The following KIF1A variants were observed in gnomAD, a reference collection of about 807,000 sequenced individuals.
KIF1A encodes kinesin-like protein KIF1A.
In KIF1A, 46 loss-of-function variants were observed where a neutral mutation model predicts 227.3. The ratio of observed to expected loss-of-function variants is 0.20; its 90% CI spans 0.16 to 0.26. The LOEUF is 0.26. Among genes scored for constraint, KIF1A ranks in the 10% least tolerant of loss-of-function variants. The pLI is 1.00. For missense variants in KIF1A, 1,683 were observed against 2,485.9 expected (o/e 0.68, Z 6.87); for synonymous variants, 1,022 against 1,012.8 (o/e 1.01, Z -0.17).
At chr2:240,750,033 G>A (rs988841272) in intron 28 of KIF1A, among the ~76,000 whole-genome samples, 4 of 152,266 alleles carry the variant, frequency 2.6e-5, no homozygotes, top group Admixed American at 6.5e-5. Context: ...AGCAGGCTGG[G>A]GGAGGGATCC....
chr2:240,795,718 G>A (rs1356927749), intron 2 of KIF1A, among the ~76,000 whole-genome samples: 1 of 152,232 alleles, frequency 6.6e-6, no homozygotes, highest in Non-Finnish European at 1.5e-5. Flanking sequence ...CAGGGGGCAG[G>A]TCGGAGGCTG....
intron 17 of KIF1A, 134 bp downstream of exon 17, chr2:240,768,999 C>A: frequency 1.3e-6 from 1 of 749,720 alleles, no homozygotes. Context: ...GTGAGCTTCA[C>A]AGCCCCAGTG....
intron 5 of KIF1A, among the ~76,000 whole-genome samples, chr2:240,786,740 C>A (rs1157133115): frequency 1.5e-5 from 2 of 136,674 alleles, no homozygotes; most frequent in African/African-American, 6.2e-5. Context: ...GGGCTGCCTG[C>A]TGGGCCCCTG....
intron 10 of KIF1A, chr2:240,782,011 C>T (rs1423325157): frequency 1.0e-6 from 1 of 985,280 alleles, no homozygotes; most frequent in Non-Finnish European, 1.2e-6. Flanking sequence ...CGTGGTGGCG[C>T]CCGCCCTGTC....
Position 240,715,808 on chromosome 2 carries a change from A to G in KIF1A, c.*1556T>C. 1 of 152,412 alleles carries G rather than the reference A, an allele frequency of 6.6e-6. No homozygotes were observed. The allele number at this position is 152,412 out of a possible 1,614,324, so 9.4% of individuals were successfully genotyped here. Reference sequence around the variant, plus strand: ...TGGGGTGCTGCGTTTCCCCCACTCCAGGAGGCAGGATCTGATGAAAGTGCT... The same window carrying G: ...TGGGGTGCTGCGTTTCCCCCACTCCGGGAGGCAGGATCTGATGAAAGTGCT... On this transcript the variant is annotated 3_prime_UTR_variant, in exon 49 of 49. Transcript: ENST00000498729.
At chr2:240,819,314 G>GC (rs988846953) in intron 1 of KIF1A, among the ~76,000 whole-genome samples, 2 of 152,192 alleles carry the variant, frequency 1.3e-5, no homozygotes, top group African/African-American at 2.4e-5. Flanking sequence ...AGACCCTGCG[G>GC]CCCCGCAGCC....
chr2:240,724,842 G>A (rs532541638), intron 40 of KIF1A: 13 of 162,600 alleles, frequency 8.0e-5, no homozygotes, highest in Admixed American at 3.0e-4. Flanking sequence ...TCCAGCCACC[G>A]CCCACTTATC....
intron 38 of KIF1A, among the ~76,000 whole-genome samples, chr2:240,729,545 A>G (rs1254992078): frequency 2.0e-5 from 3 of 152,224 alleles, no homozygotes; most frequent in Non-Finnish European, 4.4e-5. Context: ...TGAGGCAGGC[A>G]GGACTCCAAG....
chr2:240,817,584 A>T (rs2058421088), intron 1 of KIF1A, among the ~76,000 whole-genome samples: 1 of 152,190 alleles, frequency 6.6e-6, no homozygotes, highest in Non-Finnish European at 1.5e-5. Context: ...CCAGCTAGGC[A>T]TGTGCAGGGC....
intron 4 of KIF1A, 34 bp from the exon 5 acceptor site, chr2:240,787,350 G>T (rs1457318734): frequency 1.9e-6 from 3 of 1,579,930 alleles, no homozygotes; most frequent in East Asian, 2.2e-5. Context: ...GCCAGGGAGG[G>T]CTGGGGCTGC....
rs768899178 is a variant in KIF1A at position 240,758,462 on chromosome 2, C to T, written c.2480G>A (p.Arg827His). The T allele has an allele frequency of 7.5e-6, 12 of 1,607,666 alleles. No homozygotes were observed. Among genetic ancestry groups the T allele is most frequent in the South Asian group, 2.2e-5 (2 of 89,910 alleles). Reference sequence around the variant, plus strand: ...GACACTGGAGGGCACCTCTGCAGCGCGGTCGTACATCTCCCGCATCAGGTC... The same window carrying T: ...GACACTGGAGGGCACCTCTGCAGCGTGGTCGTACATCTCCCGCATCAGGTC... ...RLDLMREMYDRAAEVPSSVIE... is the reference protein window; with the variant it reads ...RLDLMREMYDHAAEVPSSVIE... The change falls in exon 26 of 49, where the codon CGC becomes CAC. Residue 827 changes from arginine (R) to histidine (H), a missense_variant. Arg to His is a conservative substitution (Grantham distance 29). Around this residue, in one of 12 missense-constraint regions of KIF1A, gnomAD observed 759 missense variants for 1,020.2 expected, o/e 0.74. Transcript: ENST00000498729. The surrounding 1 kb of genome is among the most constrained non-coding windows in gnomAD (Gnocchi z 5.2).
At chr2:240,734,817 A>T in intron 38 of KIF1A, 2 of 1,118,922 alleles carry the variant, frequency 1.8e-6, no homozygotes, top group Non-Finnish European at 2.4e-6. Context: ...GGGGACAGGC[A>T]GAGGGAAGCG....
chr2:240,816,781 G>A (rs1241470566), intron 1 of KIF1A, among the ~76,000 whole-genome samples: 5 of 152,240 alleles, frequency 3.3e-5, no homozygotes, highest in Non-Finnish European at 5.9e-5. Context: ...CAATGCACTA[G>A]GCCTGCAGGA....
At position 240,788,051 on chromosome 2, in the gene KIF1A, C is replaced by CCT; in HGVS notation, c.362_363insAG (p.Leu122GlyfsTer38). The CCT allele has an allele frequency of 6.4e-7, 1 of 1,562,582 alleles. No homozygotes were observed. The highest frequency in any genetic ancestry group is 8.7e-7 in the Non-Finnish European group (1 of 1,152,156). ...CCCCCGCCCGCCCCCCGCTTCGTGC[C>CCT]TGTGGGATGATGCCCTGCTGGTCCT... On this transcript the variant is annotated frameshift_variant and splice_region_variant, in exon 4 of 49. Coordinates refer to ENST00000498729, the MANE Select transcript of KIF1A (RefSeq NM_001244008.2). LOFTEE classifies it high-confidence loss of function. The surrounding 1 kb of genome is among the most constrained non-coding windows in gnomAD (Gnocchi z 6.6).
rs765708561 is a variant in KIF1A, at chr2:240,771,002, G to C, written c.1310C>G (p.Pro437Arg). 3 of 1,612,510 alleles carry C rather than the reference G, an allele frequency of 1.9e-6. No individual in the cohort carries two copies. Among genetic ancestry groups the C allele is most frequent in the Non-Finnish European group, 2.5e-6 (3 of 1,179,820 alleles). The change falls in exon 15 of 49, where the codon CCG becomes CGG. Residue 437 changes from proline (P) to arginine (R), a missense_variant. By Grantham distance (103) the Pro-to-Arg change is moderately radical. Coordinates refer to ENST00000498729, the MANE Select transcript of KIF1A (RefSeq NM_001244008.2). ...SSLHERILFAPGSEEAIERLK... is the reference protein window; with the variant it reads ...SSLHERILFARGSEEAIERLK... ...TCTTTCAATGGCCTCCTCGCTGCCC[G>C]GGGCAAACAAGATGCGCTCGTGGAG...
At chr2:240,801,601 C>T (rs1287830517) in intron 1 of KIF1A, among the ~76,000 whole-genome samples, 1 of 152,126 alleles carries the variant, frequency 6.6e-6, no homozygotes, top group Non-Finnish European at 1.5e-5. Flanking sequence ...CATCCAAATT[C>T]TTATGTTGAA....
chr2:240,818,507 C>T (rs570400870), intron 1 of KIF1A, among the ~76,000 whole-genome samples: 90 of 152,352 alleles, frequency 5.9e-4, no homozygotes, highest in African/African-American at 2.1e-3. Context: ...CCATCCCACA[C>T]CCTGCACCGC....
chr2:240,727,912 C>T (rs1350044926), intron 38 of KIF1A, among the ~76,000 whole-genome samples: 4 of 152,174 alleles, frequency 2.6e-5, no homozygotes, highest in Admixed American at 1.3e-4. Flanking sequence ...TGGTCATACC[C>T]GAGGTGGACA....
intron 24 of KIF1A, 85 bp downstream of exon 24, chr2:240,761,144 G>T (rs1461135852): frequency 1.4e-6 from 2 of 1,461,348 alleles, no homozygotes; most frequent in Non-Finnish European, 1.9e-6. Context: ...AGAGCCAAGT[G>T]CTGAGTCCCA....
Sources: gnomAD v4.1 joint callset for allele counts (sites outside exome capture counted in the v4.1 genomes callset) on GRCh38, gnomAD v4.1.1 for gene constraint, gnomAD v4.1.1 regional missense constraint, Gnocchi (gnomAD v3.1) non-coding constraint, MANE v1.5 for transcripts, NCBI Gene and HGNC (gene_info 2026-07-23, HGNC 2026-07-21) for gene names.